The following ITGB3 variants were observed in gnomAD, a reference collection of about 807,000 sequenced individuals.
The protein encoded by ITGB3 is integrin beta-3.
ITGB3 carries 48 observed loss-of-function variants against 85.8 expected under a neutral mutation model. That is an observed-to-expected ratio of 0.56 (90% CI 0.44 to 0.71). The LOEUF (loss-of-function observed/expected upper bound fraction) is 0.71. ITGB3 is among the 30% of genes least tolerant of loss of function. The pLI is 0.00. For synonymous variants in ITGB3, 363 were observed against 395.6 expected (o/e 0.92, Z 0.98); for missense variants, 861 against 1,019.1 (o/e 0.84, Z 2.11).
At chr17:47,278,401 C>A (rs902526433) in intron 2 of ITGB3, among the ~76,000 whole-genome samples, 2 of 151,982 alleles carry the variant, frequency 1.3e-5, no homozygotes, top group African/African-American at 2.4e-5. Context: ...ACCAACATGG[C>A]AAAACCCCGT....
rs1458116788 is a variant in ITGB3 at position 47,292,166 on chromosome 17, C to T, written c.1288C>T (p.Arg430Ter). Residue 430 changes from arginine to a stop codon, truncating the protein, a stop_gained, in exon 10 of 15, where the codon CGA becomes TGA. Coordinates refer to ENST00000559488, the MANE Select transcript of ITGB3 (RefSeq NM_000212.3). LOFTEE classifies it high-confidence loss of function. ...GAGCTTCAGCATTGAGGCCAAGGTG[C>T]GAGGCTGTCCCCAGGAGAAGGAGAA... ...TVSFSIEAKVRGCPQEKEKSF... is the reference protein window; with the variant it reads ...TVSFSIEAKV 8 of 1,614,074 alleles carry T rather than the reference C, an allele frequency of 5.0e-6. No homozygotes were observed. Among genetic ancestry groups the T allele is most frequent in the African/African-American group, 4.0e-5 (3 of 74,922 alleles).
chr17:47,292,090 T>A, intron 9 of ITGB3, 49 bp from the exon 10 acceptor site: 1 of 1,591,102 alleles, frequency 6.3e-7, no homozygotes. Flanking sequence ...AGAGCTGGAG[T>A]GTTAACTGGG....
chr17:47,278,983 GTTAAC>G (rs1266276942), intron 2 of ITGB3, among the ~76,000 whole-genome samples: 1 of 152,232 alleles, frequency 6.6e-6, no homozygotes, highest in Non-Finnish European at 1.5e-5. Context: ...TTTCAGTATA[GTTAAC>G]TTATGTTGAG....
chr17:47,274,534 TCTC>T, intron 2 of ITGB3, 30 bp downstream of exon 2: 1 of 1,588,562 alleles, frequency 6.3e-7, no homozygotes, highest in Non-Finnish European at 8.6e-7. Flanking sequence ...CCTTGTTTCT[TCTC>T]CAGACTAAGC....
chr17:47,303,000 C>A (rs1004122170), intron 13 of ITGB3, among the ~76,000 whole-genome samples, 160 bp downstream of exon 13: 1 of 152,202 alleles, frequency 6.6e-6, no homozygotes, highest in Non-Finnish European at 1.5e-5. Context: ...GTAATCCCAG[C>A]AGTTTGGAAG....
intron 1 of ITGB3, among the ~76,000 whole-genome samples, 162 bp downstream of exon 1, chr17:47,254,102 CTT>C (rs2064978558): frequency 6.6e-6 from 1 of 152,184 alleles, no homozygotes; most frequent in Admixed American, 6.5e-5. Flanking sequence ...AGCTGGGGAC[CTT>C]CCTGGCCCGG....
chr17:47,287,734 C>T (rs2065108504), intron 6 of ITGB3, among the ~76,000 whole-genome samples: 1 of 151,936 alleles, frequency 6.6e-6, no homozygotes, highest in East Asian at 1.9e-4. Context: ...TATAGTGAGA[C>T]CCTGCCTCTA....
intron 1 of ITGB3, among the ~76,000 whole-genome samples, chr17:47,254,640 A>G (rs2064981542): frequency 6.6e-6 from 1 of 152,106 alleles, no homozygotes; most frequent in East Asian, 1.9e-4. Context: ...GGAGCCATGA[A>G]AAGGCTCCCT....
intron 1 of ITGB3, among the ~76,000 whole-genome samples, chr17:47,263,504 C>G (rs1182076745): frequency 7.9e-6 from 1 of 126,746 alleles, no homozygotes; most frequent in Non-Finnish European, 1.6e-5. Flanking sequence ...TTTCTTTTCC[C>G]TTTGAGGCAG....
rs2065118104 is a variant in ITGB3 at position 47,289,770 on chromosome 17, C to CT, written c.1030dup (p.Tyr344LeufsTer5). On this transcript the variant is annotated frameshift_variant, in exon 7 of 15. Transcript: ENST00000559488. LOFTEE classifies it high-confidence loss of function. The stretch of plus-strand genomic sequence containing the variant: ...CAGTGACTGAAAATGTAGTCAATCT[C>CT]TATCAGGTGACTGTGCCTTCGGGCT... 1 of 1,611,970 alleles carries CT rather than the reference C, an allele frequency of 6.2e-7. No homozygotes were observed. Among genetic ancestry groups the CT allele is most frequent in the African/African-American group, 1.3e-5 (1 of 74,996 alleles).
Position 47,286,300 on chromosome 17 carries a change from G to A in ITGB3, c.655G>A (p.Val219Met), listed in dbSNP as rs747116356. Residue 219 changes from valine (V) to methionine (M), a missense_variant, in exon 5 of 15, where the codon GTG becomes ATG. Val to Met is a conservative substitution (Grantham distance 21). Coordinates refer to ENST00000559488, the MANE Select transcript of ITGB3 (RefSeq NM_000212.3). ...TCLPMFGYKH[V>M]LTLTDQVTRF... ...CTTGCCCATGTTTGGCTACAAACAC[G>A]TGCTGACGCTAACTGACCAGGTGAC... 6 of 1,614,160 alleles carry A rather than the reference G, an allele frequency of 3.7e-6. No individual in the cohort carries two copies. Among genetic ancestry groups the A allele is most frequent in the South Asian group, 1.1e-5 (1 of 91,078 alleles).
rs1386425657 is a variant in ITGB3, at chr17:47,292,285, T to TA, written c.1409dup (p.Asn470LysfsTer2). On this transcript the variant is annotated frameshift_variant, in exon 10 of 15. Transcript: ENST00000559488. LOFTEE classifies it high-confidence loss of function. ...GTGCCTGCCAGGCCCAAGCTGAACC[T>TA]AATAGCCATCGCTGCAACAATGGCA... The TA allele has an allele frequency of 6.2e-6, 10 of 1,614,226 alleles. No individual in the cohort carries two copies. The highest frequency in any genetic ancestry group is 8.5e-6 in the Non-Finnish European group (10 of 1,180,042).
At chr17:47,270,514 G>T (rs554962949) in intron 1 of ITGB3, among the ~76,000 whole-genome samples, 1 of 152,336 alleles carries the variant, frequency 6.6e-6, no homozygotes, top group East Asian at 1.9e-4. Context: ...TGCATTGTTC[G>T]TTGTGAACAT....
intron 10 of ITGB3, among the ~76,000 whole-genome samples, chr17:47,295,608 G>A (rs950772771): frequency 1.3e-5 from 2 of 152,172 alleles, no homozygotes; most frequent in Admixed American, 6.5e-5. Flanking sequence ...CTCCCTGGCT[G>A]GCCCATCTTG....
rs1159891108 is a variant in ITGB3, at chr17:47,307,547, C to G, written c.2211C>G (p.Ala737=). The change falls in exon 14 of 15, where the codon GCC becomes GCG. Residue 737 remains alanine, a synonymous_variant. Coordinates refer to ENST00000559488, the MANE Select transcript of ITGB3 (RefSeq NM_000212.3). ...MGAILLIGLA[A]LLIWKLLITI... ...CCATTCTGCTCATTGGCCTTGCCGC[C>G]CTGCTCATCTGGAAACTCCTCATCA... The G allele has an allele frequency of 1.2e-6, 2 of 1,614,048 alleles. No individual in the cohort carries two copies. The highest frequency in any genetic ancestry group is 2.7e-5 in the African/African-American group (2 of 74,906).
intron 9 of ITGB3, 40 bp downstream of exon 9, chr17:47,291,128 G>T (rs2065123944): frequency 1.9e-6 from 3 of 1,613,206 alleles, no homozygotes; most frequent in Non-Finnish European, 1.7e-6. Flanking sequence ...TGGAGCATCT[G>T]TGGGCACCCA....
Position 47,290,448 on chromosome 17 carries a change from A to AGAAG in ITGB3, c.1125+195_1125+198dup, listed in dbSNP as rs112290297. 0.8 allele frequency among the ~76,000 whole-genome samples: 118,571 copies of AGAAG among 148,922 alleles called. 47,395 individuals carry two copies. Among genetic ancestry groups the AGAAG allele is most frequent in the African/African-American group, 0.86 (34,534 of 40,304 alleles). ...GCTCTAGAAGGGATGCAGCCTTCTG[A>AGAAG]GAAGGAAGGAAGGAAGGAAGGAAGA... On this transcript the variant is annotated intron_variant, in intron 8 of 14. Transcript: ENST00000559488.
At chr17:47,256,478 C>T (rs551619212) in intron 1 of ITGB3, among the ~76,000 whole-genome samples, 1 of 151,506 alleles carries the variant, frequency 6.6e-6, no homozygotes, top group Non-Finnish European at 1.5e-5. Context: ...GTAATACCCC[C>T]CCCCCCAACC....
intron 10 of ITGB3, among the ~76,000 whole-genome samples, chr17:47,296,917 T>C (rs1366691855): frequency 6.6e-6 from 1 of 152,184 alleles, no homozygotes; most frequent in Non-Finnish European, 1.5e-5. Flanking sequence ...CATGGAAATA[T>C]CTACAGTGAG....
Sources: allele counts gnomAD v4.1 joint callset (sites outside exome capture counted in the v4.1 genomes callset), GRCh38; gene constraint gnomAD v4.1.1; transcripts MANE v1.5; gene names NCBI Gene and HGNC (gene_info 2026-07-23, HGNC 2026-07-21).